LRBA: variants seen among roughly 807,000 people sequenced by gnomAD.
LRBA encodes the protein LPS responsive beige-like anchor protein.
Under a neutral mutation model 330.0 loss-of-function variants are expected in LRBA, and 176 were observed. That is an observed-to-expected ratio of 0.53 (90% confidence interval 0.47 to 0.60). The LOEUF is 0.60. Among genes scored for constraint, LRBA ranks in the 20% least tolerant of loss-of-function variants. The probability of loss-of-function intolerance (pLI) is 0.00; values close to 1 mark genes in which losing one functional copy is unlikely to be tolerated. For synonymous variants in LRBA, 1,230 were observed against 1,193.0 expected, an observed-to-expected ratio of 1.03 and a Z score of -0.64; for missense variants, 3,259 against 3,444.8, an observed-to-expected ratio of 0.95 and a Z score of 1.35.
At chr4:150,923,208 C>T (rs1463338036) in intron 4 of LRBA, among the ~76,000 whole-genome samples, 1 of 148,866 alleles carries the variant, frequency 6.7e-6, no homozygotes, top group East Asian at 2.0e-4. Flanking sequence ...AACAACTATA[C>T]TTTCACCATT....
intron 47 of LRBA, among the ~76,000 whole-genome samples, chr4:150,391,822 ACTT>A (rs2151909753): frequency 6.6e-6 from 1 of 151,504 alleles, no homozygotes; most frequent in Admixed American, 6.6e-5. Context: ...CTTGAGTGCC[ACTT>A]CTTTGGTTTA....
At chr4:150,981,832 G>A (rs909805675) in intron 2 of LRBA, among the ~76,000 whole-genome samples, 13 of 151,536 alleles carry the variant, frequency 8.6e-5, no homozygotes, top group Admixed American at 2.0e-4. Flanking sequence ...TGGTGGTGGC[G>A]GGTGCCTGTA....
chr4:150,291,097 C>A (rs1728230613), intron 53 of LRBA, among the ~76,000 whole-genome samples: 1 of 106,100 alleles, frequency 9.4e-6, no homozygotes, highest in South Asian at 4.2e-4. Flanking sequence ...CCAATGCTAT[C>A]CCTCCCCCCT....
chr4:150,960,968 AAACAGT>A (rs1393383880), intron 2 of LRBA, among the ~76,000 whole-genome samples: 16 of 149,260 alleles, frequency 1.1e-4, no homozygotes, highest in Non-Finnish European at 8.8e-5. Context: ...AGTCACCTCA[AAACAGT>A]AACAGTGCTC....
intron 42 of LRBA, among the ~76,000 whole-genome samples, chr4:150,486,801 CT>C (rs1438646408): frequency 1.3e-5 from 2 of 151,816 alleles, no homozygotes; most frequent in African/African-American, 4.8e-5. Context: ...CACCCCACCC[CT>C]AACCTCTACC....
chr4:150,496,706 T>C (rs933753812), intron 40 of LRBA, among the ~76,000 whole-genome samples: 3 of 152,120 alleles, frequency 2.0e-5, no homozygotes, highest in Non-Finnish European at 2.9e-5. Flanking sequence ...CCAAATTCTA[T>C]AGTAATTTTA....
rs781428559 is a variant in LRBA at position 150,321,227 on chromosome 4, T to C, written c.7594A>G (p.Arg2532Gly). The change falls in exon 50 of 57, where the codon AGG (arginine) becomes GGG (glycine). Residue 2532 changes from arginine (R) to glycine (G), a missense_variant. Transcript: ENST00000651943. The surrounding 1 kb of genome is among the most constrained non-coding windows in gnomAD (Gnocchi z 4.5). ...TPAVITVTAN[R>G]LFAVNKWHNL... Reference sequence around the variant, plus strand: ...TGCCATTTGTTCACCGCAAATAACCTGTTAGCAGTGACTGTGATCACAGCG... The same window carrying C: ...TGCCATTTGTTCACCGCAAATAACCCGTTAGCAGTGACTGTGATCACAGCG... 3.1e-6 allele frequency: 5 copies of C among 1,610,620 alleles called. No individual in the cohort carries two copies. In the Admixed American group the frequency reaches 5.1e-5, roughly 16 times the overall value.
intron 22 of LRBA, among the ~76,000 whole-genome samples, chr4:150,862,779 C>G (rs914214432): frequency 6.6e-6 from 1 of 151,644 alleles, no homozygotes; most frequent in Admixed American, 6.6e-5. Flanking sequence ...GAATTCAAGA[C>G]TAGCCTGGGC....
intron 40 of LRBA, chr4:150,579,776 A>T (rs777746001): frequency 1.3e-5 from 6 of 453,994 alleles, no homozygotes; most frequent in South Asian, 3.1e-5. Context: ...CGGCGGAGCC[A>T]TGCGAACCAA....
chr4:150,640,399 T>C (rs1038229287), intron 37 of LRBA, among the ~76,000 whole-genome samples: 4 of 152,200 alleles, frequency 2.6e-5, no homozygotes, highest in Admixed American at 6.5e-5. Context: ...TTTAGCATAG[T>C]TATGTTCGTA....
At chr4:150,639,781 A>ATATATATG (rs1778378326) in intron 37 of LRBA, among the ~76,000 whole-genome samples, 1 of 14,300 alleles carries the variant, frequency 7.0e-5, no homozygotes, top group African/African-American at 4.7e-4. Context: ...ATATATATAT[A>ATATATATG]TGTGTGTGTG....
At chr4:150,915,815 G>C in intron 7 of LRBA, 88 bp from the exon 8 acceptor site, 1 of 970,652 alleles carries the variant, frequency 1.0e-6, no homozygotes. Flanking sequence ...TAAATGATAA[G>C]TTGTAATTCA....
At chr4:150,630,663 T>C (rs1051365990) in intron 37 of LRBA, among the ~76,000 whole-genome samples, 7 of 152,148 alleles carry the variant, frequency 4.6e-5, no homozygotes, top group African/African-American at 7.2e-5. Flanking sequence ...AATGGTTGAA[T>C]AGTATGATAA....
At chr4:150,926,632 A>G (rs2149504491) in intron 4 of LRBA, among the ~76,000 whole-genome samples, 1 of 152,340 alleles carries the variant, frequency 6.6e-6, no homozygotes, top group South Asian at 2.1e-4. Context: ...AGCAAAATCA[A>G]TGAGTAAAAA....
Position 150,798,138 on chromosome 4 carries a change from C to A in LRBA, c.5523G>T (p.Leu1841=). The A allele has an allele frequency of 6.3e-7, 1 of 1,598,850 alleles. No homozygotes were observed. Among genetic ancestry groups the A allele is most frequent in the Non-Finnish European group, 8.6e-7 (1 of 1,166,324 alleles). ...GQELLIEGTS[L]VCMKSSSSVV... ...CTGAACTACTCGACTTCATGCAAAC[C>A]AGACCTATTTTAAAGAGAATTTTAA... Residue 1841 remains leucine, a synonymous_variant, in exon 34 of 57, where the codon CTG becomes CTT. Coordinates refer to ENST00000651943, the MANE Select transcript of LRBA (RefSeq NM_001364905.1).
intron 2 of LRBA, among the ~76,000 whole-genome samples, chr4:150,996,276 C>G (rs541858013): frequency 1.3e-5 from 2 of 152,102 alleles, no homozygotes; most frequent in Middle Eastern, 3.2e-3. Flanking sequence ...TGGTTTAATT[C>G]TCAACTTTTT....
chr4:150,920,347 G>A (rs553160943), intron 5 of LRBA, among the ~76,000 whole-genome samples: 57 of 152,278 alleles, frequency 3.7e-4, no homozygotes, highest in Non-Finnish European at 6.6e-4. Flanking sequence ...TCAGGAATTC[G>A]AGACAAGCCT....
intron 30 of LRBA, among the ~76,000 whole-genome samples, chr4:150,826,529 C>A (rs1746309787): frequency 6.6e-6 from 1 of 152,156 alleles, no homozygotes; most frequent in South Asian, 2.1e-4. Context: ...GTTGGTTGTA[C>A]AAGAAGGCCT....
intron 56 of LRBA, among the ~76,000 whole-genome samples, chr4:150,274,492 G>T (rs1471296155): frequency 2.0e-5 from 3 of 151,952 alleles, no homozygotes; most frequent in Non-Finnish European, 2.9e-5. Flanking sequence ...AAACCCTTCA[G>T]ATCAATGAAT....
Sources: gnomAD v4.1 joint callset for allele counts (sites outside exome capture counted in the v4.1 genomes callset) on GRCh38, gnomAD v4.1.1 for gene constraint, Gnocchi (gnomAD v3.1) non-coding constraint, MANE v1.5 for transcripts, NCBI Gene and HGNC (gene_info 2026-07-23, HGNC 2026-07-21) for gene names.